Variants in HS3ST4 observed in about 807,000 individuals in gnomAD.
HS3ST4 encodes the protein heparan sulfate-glucosamine 3-sulfotransferase 4, also known as heparan sulfate glucosamine 3-O-sulfotransferase 4.
In HS3ST4, 17 loss-of-function variants were observed where a neutral mutation model predicts 29.2. That is an observed-to-expected ratio of 0.58 (90% CI 0.40 to 0.87). The LOEUF is 0.87. Among genes scored for constraint, HS3ST4 ranks in the 40% least tolerant of loss-of-function variants. HS3ST4 has a pLI of 0.00. For synonymous variants in HS3ST4, 314 were observed against 285.7 expected (o/e 1.10, Z -1.00); for missense variants, 627 against 634.5 (o/e 0.99, Z 0.13).
At chr16:26,062,127 A>G (rs1329409372) in intron 1 of HS3ST4, among the ~76,000 whole-genome samples, 2 of 152,192 alleles carry the variant, frequency 1.3e-5, no homozygotes, top group African/African-American at 4.8e-5. Context: ...TTGAGTGGGT[A>G]AAACAGCACA....
intron 1 of HS3ST4, among the ~76,000 whole-genome samples, chr16:26,034,148 GACATCC>G (rs1443009687): frequency 6.6e-6 from 1 of 152,108 alleles, no homozygotes; most frequent in Non-Finnish European, 1.5e-5. Context: ...CTCAGGCTCT[GACATCC>G]ATAGGTTCCT....
At chr16:25,762,890 A>AAAAG (rs1966797207) in intron 1 of HS3ST4, among the ~76,000 whole-genome samples, 1 of 150,364 alleles carries the variant, frequency 6.7e-6, no homozygotes, top group Non-Finnish European at 1.5e-5. Flanking sequence ...AAAAAAAAAA[A>AAAAG]AAAAAAAAAG....
intron 1 of HS3ST4, among the ~76,000 whole-genome samples, chr16:26,038,489 G>A (rs1969605229): frequency 2.0e-5 from 3 of 152,088 alleles, no homozygotes; most frequent in Middle Eastern, 3.2e-3. Flanking sequence ...TGTACTGCAA[G>A]CACCTAGAAG....
chr16:25,940,864 C>A (rs146208055), intron 1 of HS3ST4, among the ~76,000 whole-genome samples: 1 of 152,182 alleles, frequency 6.6e-6, no homozygotes, highest in African/African-American at 2.4e-5. Flanking sequence ...TCATCTCCCC[C>A]CAGCTCTCTC....
chr16:25,946,894 A>G (rs1196543482), intron 1 of HS3ST4, among the ~76,000 whole-genome samples: 1 of 152,184 alleles, frequency 6.6e-6, no homozygotes, highest in East Asian at 1.9e-4. Flanking sequence ...TGCACACTCA[A>G]GGAACTGAAG....
intron 1 of HS3ST4, among the ~76,000 whole-genome samples, chr16:25,915,899 G>T (rs796199080): frequency 2.6e-5 from 4 of 152,300 alleles, no homozygotes; most frequent in African/African-American, 7.2e-5. Context: ...GGAAGAAAAA[G>T]AAGTTGTTGG....
At chr16:25,830,653 A>G (rs1967286180) in intron 1 of HS3ST4, among the ~76,000 whole-genome samples, 1 of 152,028 alleles carries the variant, frequency 6.6e-6, no homozygotes, top group African/African-American at 2.4e-5. Flanking sequence ...TGACCAGCTG[A>G]CATCAAAAAC....
chr16:25,727,135 T>G (rs1367476011), intron 1 of HS3ST4, among the ~76,000 whole-genome samples: 7 of 152,198 alleles, frequency 4.6e-5, no homozygotes, highest in Admixed American at 3.9e-4. Context: ...AGAGCAGCTA[T>G]TACTCAGCAT....
intron 1 of HS3ST4, among the ~76,000 whole-genome samples, chr16:25,775,052 C>G (rs142498648): frequency 6.6e-6 from 1 of 152,176 alleles, no homozygotes; most frequent in East Asian, 1.9e-4. Context: ...GTGACTGAGT[C>G]GCTGTCGCAC....
At chr16:25,762,806 G>C (rs545451380) in intron 1 of HS3ST4, among the ~76,000 whole-genome samples, 44 of 141,912 alleles carry the variant, frequency 3.1e-4, no homozygotes, top group African/African-American at 1.1e-3. Context: ...GAACTCAGGA[G>C]GTTGAGGCCG....
intron 1 of HS3ST4, among the ~76,000 whole-genome samples, chr16:25,778,581 A>G (rs1966849809): frequency 6.6e-6 from 1 of 152,214 alleles, no homozygotes; most frequent in Non-Finnish European, 1.5e-5. Context: ...TAAAGATGTG[A>G]TTAACTTTGA....
chr16:25,702,739 A>G (rs563281686), intron 1 of HS3ST4, among the ~76,000 whole-genome samples: 1 of 152,302 alleles, frequency 6.6e-6, no homozygotes, highest in South Asian at 2.1e-4. Flanking sequence ...TGGCAAAATA[A>G]CTGTCACTGT....
intron 1 of HS3ST4, among the ~76,000 whole-genome samples, chr16:26,089,220 A>G (rs1297028563): frequency 1.3e-5 from 2 of 152,174 alleles, no homozygotes; most frequent in Admixed American, 6.5e-5. Context: ...TAAGGAGACA[A>G]TCTAGGACCC....
chr16:26,064,338 AAGGTGCTT>A (rs1051346359), intron 1 of HS3ST4, among the ~76,000 whole-genome samples: 1 of 152,190 alleles, frequency 6.6e-6, no homozygotes, highest in African/African-American at 2.4e-5. Flanking sequence ...CTTAATGTCC[AAGGTGCTT>A]AGGGTATAGA....
intron 1 of HS3ST4, among the ~76,000 whole-genome samples, chr16:25,786,571 C>G (rs1445239761): frequency 6.6e-6 from 1 of 152,170 alleles, no homozygotes; most frequent in Non-Finnish European, 1.5e-5. Flanking sequence ...TTTACCCTTT[C>G]ACTATATCCC....
chr16:25,974,150 C>T (rs1170661811), intron 1 of HS3ST4, among the ~76,000 whole-genome samples: 1 of 152,144 alleles, frequency 6.6e-6, no homozygotes, highest in Non-Finnish European at 1.5e-5. Context: ...CATAATCTGC[C>T]AGCCTCTCTT....
intron 1 of HS3ST4, among the ~76,000 whole-genome samples, chr16:25,813,279 C>G (rs1007266244): frequency 3.9e-5 from 6 of 152,120 alleles, no homozygotes; most frequent in African/African-American, 1.4e-4. Context: ...ACAAGCCAAC[C>G]AACAAAATTA....
At chr16:25,880,051 G>T (rs1967877751) in intron 1 of HS3ST4, among the ~76,000 whole-genome samples, 1 of 152,178 alleles carries the variant, frequency 6.6e-6, no homozygotes, top group Admixed American at 6.5e-5. Context: ...TTCACGGTGA[G>T]ATTTGGATGG....
intron 1 of HS3ST4, among the ~76,000 whole-genome samples, chr16:26,071,268 G>A (rs904369120): frequency 6.6e-6 from 1 of 152,180 alleles, no homozygotes; most frequent in Non-Finnish European, 1.5e-5. Context: ...GGGTGAGGGA[G>A]AAAGGGGTCA....
Sources: allele counts gnomAD v4.1 joint callset (sites outside exome capture counted in the v4.1 genomes callset), GRCh38; gene constraint gnomAD v4.1.1; transcripts MANE v1.5; gene names NCBI Gene and HGNC (gene_info 2026-07-23, HGNC 2026-07-21).